Variants in PPP2R3A observed in about 807,000 individuals in gnomAD.
PPP2R3A encodes protein phosphatase 2 regulatory subunit B''alpha, also known as serine/threonine-protein phosphatase 2A regulatory subunit B'' subunit alpha.
In PPP2R3A, 80 loss-of-function variants were observed where a neutral mutation model predicts 106.9. The observed-to-expected ratio is 0.75, with a 90% CI of 0.62 to 0.90. PPP2R3A has a LOEUF of 0.90. Among genes scored for constraint, PPP2R3A ranks in the 40% least tolerant of loss-of-function variants. PPP2R3A has a pLI of 0.00. For missense variants in PPP2R3A, 1,386 were observed against 1,350.4 expected, an observed-to-expected ratio of 1.03 and a Z score of -0.41; for synonymous variants, 483 against 468.3, an observed-to-expected ratio of 1.03 and a Z score of -0.41.
intron 1 of PPP2R3A, among the ~76,000 whole-genome samples, chr3:135,997,757 C>CCCT (rs1933458725): frequency 6.6e-6 from 1 of 152,172 alleles, no homozygotes; most frequent in Non-Finnish European, 1.5e-5. Flanking sequence ...TGTCACTTTC[C>CCCT]CCTCCTGCTG....
intron 1 of PPP2R3A, among the ~76,000 whole-genome samples, chr3:135,969,325 A>G (rs1937175161): frequency 6.6e-6 from 1 of 152,196 alleles, no homozygotes; most frequent in African/African-American, 2.4e-5. Context: ...ACATATATTC[A>G]TGAGATATAT....
At chr3:136,048,258 C>CCATGCCTGGTGTGAG (rs1935543988) in intron 4 of PPP2R3A, among the ~76,000 whole-genome samples, 1 of 152,116 alleles carries the variant, frequency 6.6e-6, no homozygotes, top group Non-Finnish European at 1.5e-5. Context: ...GTAGCATTTA[C>CCATGCCTGGTGTGAG]AAATGCCTGG....
intron 4 of PPP2R3A, among the ~76,000 whole-genome samples, chr3:136,044,570 C>CAAAAA (rs1247139572): frequency 1.7e-3 from 125 of 75,570 alleles, no homozygotes; most frequent in East Asian, 5.2e-3. Context: ...GACCCTGTCT[C>CAAAAA]AAAAAAAAAA....
chr3:136,085,764 G>A (rs899028198), intron 8 of PPP2R3A, among the ~76,000 whole-genome samples: 4 of 151,840 alleles, frequency 2.6e-5, no homozygotes, highest in Admixed American at 2.6e-4. Flanking sequence ...TTTTTGGTAT[G>A]GCTGTTACTA....
At chr3:135,990,788 T>G (rs1933128051) in intron 1 of PPP2R3A, among the ~76,000 whole-genome samples, 1 of 152,136 alleles carries the variant, frequency 6.6e-6, no homozygotes, top group South Asian at 2.1e-4. Flanking sequence ...CTACCTGGCC[T>G]ACCTAGCTTC....
At chr3:136,090,550 A>G (rs1311869527) in intron 9 of PPP2R3A, 28 bp from the exon 10 acceptor site, 1 of 1,576,516 alleles carries the variant, frequency 6.3e-7, no homozygotes, top group Non-Finnish European at 8.7e-7. Context: ...ATTGCTCAGG[A>G]AATTTTATAA....
At chr3:136,086,803 TACCTA>T (rs1267515187) in intron 8 of PPP2R3A, among the ~76,000 whole-genome samples, 4 of 152,204 alleles carry the variant, frequency 2.6e-5, no homozygotes, top group African/African-American at 9.7e-5. Context: ...ATGCTAACTG[TACCTA>T]ACTATGTGCA....
intron 10 of PPP2R3A, among the ~76,000 whole-genome samples, chr3:136,099,459 A>G (rs894919357): frequency 2.0e-5 from 3 of 152,238 alleles, no homozygotes; most frequent in African/African-American, 7.2e-5. Context: ...CTATGAGAAG[A>G]AATTAGAGTA....
chr3:136,071,542 T>C (rs1215383429), intron 6 of PPP2R3A, among the ~76,000 whole-genome samples: 1 of 152,230 alleles, frequency 6.6e-6, no homozygotes, highest in African/African-American at 2.4e-5. Context: ...CAACCTGGCC[T>C]GTCGCCCTGA....
At chr3:136,015,943 G>A (rs1238760201) in intron 2 of PPP2R3A, among the ~76,000 whole-genome samples, 1 of 151,982 alleles carries the variant, frequency 6.6e-6, no homozygotes, top group Non-Finnish European at 1.5e-5. Context: ...ACTTTTTGAT[G>A]CAGGCATTTA....
chr3:136,012,299 A>G lies in PPP2R3A; in HGVS notation c.1995+8806A>G, dbSNP rs139379083. 4.8e-3 allele frequency among the ~76,000 whole-genome samples: 734 copies of G among 152,272 alleles called. 1 individual carries two copies. Among genetic ancestry groups the G allele is most frequent in the Admixed American group, 8.2e-3 (126 of 15,292 alleles). ...ATTATTCCTGATCATTTTAGGCTCT[A>G]ATTCTTCCTTGCTGCCCCAGATCCT... On this transcript the variant is annotated intron_variant, in intron 2 of 13. Transcript: ENST00000264977.
chr3:136,005,353 G>A (rs1017073922), intron 2 of PPP2R3A, among the ~76,000 whole-genome samples: 1 of 152,038 alleles, frequency 6.6e-6, no homozygotes, highest in African/African-American at 2.4e-5. Context: ...TTTGAATAAG[G>A]GATACTCAGT....
Position 136,003,207 on chromosome 3 carries a change from C to G in PPP2R3A, c.1709C>G (p.Ser570Cys). The G allele has an allele frequency of 6.2e-7, 1 of 1,613,944 alleles. No individual in the cohort carries two copies. Among genetic ancestry groups the G allele is most frequent in the Non-Finnish European group, 8.5e-7 (1 of 1,179,922 alleles). Residue 570 changes from serine (S) to cysteine (C), a missense_variant, in exon 2 of 14, where the codon TCC (serine) becomes TGC (cysteine). Physicochemically the swap from Ser to Cys is moderately radical, Grantham distance 112 (BLOSUM62 -1). Transcript: ENST00000264977. ...VSSPIEKVSP[S>C]CLTRIIETNG... ...TCACCCATAGAAAAAGTCTCACCTT[C>G]CTGTCTAACAAGGATTATTGAAACC... is the stretch of plus-strand genomic sequence containing the variant.
In PPP2R3A at chr3:136,104,298, T is replaced by TTGTGTGTGTG. The variant is rs55839641; in HGVS notation, c.3222+941_3222+950dup. Among the ~76,000 whole-genome samples, 913 of 148,756 alleles carry TTGTGTGTGTG rather than the reference T, an allele frequency of 6.1e-3. 12 individuals carry two copies. Among genetic ancestry groups the TTGTGTGTGTG allele is most frequent in the African/African-American group, 0.02 (811 of 40,338 alleles). ...CATAATTTTATATTTGTTTCTTTCT[T>TTGTGTGTGTG]TGTGTGTGTGTGTGTGTGTGTGTGT... On this transcript the variant is annotated intron_variant, in intron 12 of 13. Transcript: ENST00000264977.
intron 5 of PPP2R3A, among the ~76,000 whole-genome samples, chr3:136,063,721 C>T (rs1184969016): frequency 2.6e-5 from 4 of 151,362 alleles, no homozygotes; most frequent in Admixed American, 6.6e-5. Flanking sequence ...AATGAGATAC[C>T]ATCTCACACC....
At chr3:135,984,532 G>A (rs1046292143) in intron 1 of PPP2R3A, among the ~76,000 whole-genome samples, 1 of 152,102 alleles carries the variant, frequency 6.6e-6, no homozygotes, top group African/African-American at 2.4e-5. Context: ...GACCTGCTGG[G>A]AGGTAATTGG....
At chr3:136,055,746 A>T in intron 5 of PPP2R3A, 1 of 673,332 alleles carries the variant, frequency 1.5e-6, no homozygotes, top group South Asian at 2.0e-5. Flanking sequence ...AATCATCTTT[A>T]TGGAATGTGG....
chr3:136,114,367 T>A (rs1032514905), intron 13 of PPP2R3A, among the ~76,000 whole-genome samples: 9 of 151,744 alleles, frequency 5.9e-5, no homozygotes, highest in African/African-American at 2.2e-4. Context: ...CTTCAGGAGT[T>A]GTTGTTTTTT....
chr3:136,055,480 T>G, intron 5 of PPP2R3A: 1 of 1,151,146 alleles, frequency 8.7e-7, no homozygotes, highest in Non-Finnish European at 1.3e-6. Flanking sequence ...TCTTTCTGGA[T>G]ACAGAGACCA....
Sources: gnomAD v4.1 joint callset for allele counts (sites outside exome capture counted in the v4.1 genomes callset) on GRCh38, gnomAD v4.1.1 for gene constraint, MANE v1.5 for transcripts, NCBI Gene and HGNC (gene_info 2026-07-23, HGNC 2026-07-21) for gene names.